Variants in PTPN3 observed in about 807,000 individuals in gnomAD.
PTPN3 encodes protein tyrosine phosphatase non-receptor type 3, also known as tyrosine-protein phosphatase non-receptor type 3.
A neutral mutation model predicts 132.7 loss-of-function variants in PTPN3; 96 were observed. The ratio of observed to expected loss-of-function variants is 0.72; its 90% confidence interval spans 0.61 to 0.86. The LOEUF (loss-of-function observed/expected upper bound fraction) is 0.86. Ranked by LOEUF, PTPN3 falls within the 40% of genes least tolerant of loss-of-function variation. The pLI, the probability that PTPN3 is intolerant of heterozygous loss-of-function variation, is 0.00. For synonymous variants in PTPN3, 398 were observed against 429.0 expected, an observed-to-expected ratio of 0.93 and a Z score of 0.89; for missense variants, 1,125 against 1,159.6, an observed-to-expected ratio of 0.97 and a Z score of 0.43.
chr9:109,500,587 A>C (rs964417512), upstream of PTPN3, among the ~76,000 whole-genome samples: 17 of 151,494 alleles, frequency 1.1e-4, no homozygotes, highest in African/African-American at 3.9e-4. Flanking sequence ...TAAAAAGACC[A>C]TGTTGCAACA....
rs752561274 is a variant in PTPN3 at position 109,457,120 on chromosome 9, G to T, written c.289+53C>A. 36 of 1,566,968 alleles carry T rather than the reference G, an allele frequency of 2.3e-5. 1 individual carries two copies. Among genetic ancestry groups the T allele is most frequent in the Non-Finnish European group, 3.2e-5 (36 of 1,138,400 alleles). On this transcript the variant is annotated intron_variant, in intron 4 of 25. Transcript: ENST00000374541. Reference sequence around the variant, plus strand: ...ACTGACGATTGGAGGGGAGAAACAGGCTGTGATACACTAACACCTAATGTT... The same window carrying T: ...ACTGACGATTGGAGGGGAGAAACAGTCTGTGATACACTAACACCTAATGTT...
At chr9:109,537,470 G>A in the PTPN3 span, among the ~76,000 whole-genome samples, 29 of 152,300 alleles carry the variant, frequency 1.9e-4, no homozygotes, top group African/African-American at 6.7e-4. Context: ...ATGTGAGTGG[G>A]CAGGTCGAGT....
At chr9:109,388,166 C>T (rs1839757295) in intron 22 of PTPN3, among the ~76,000 whole-genome samples, 1 of 152,172 alleles carries the variant, frequency 6.6e-6, no homozygotes. Context: ...AAAGCTGCTG[C>T]CTGGAGTGAT....
At chr9:109,488,236 C>T (rs1481694883) in intron 1 of PTPN3, among the ~76,000 whole-genome samples, 10 of 151,450 alleles carry the variant, frequency 6.6e-5, no homozygotes, top group Admixed American at 4.0e-4. Context: ...GGAGTAGCTG[C>T]GACTACAGGC....
intron 10 of PTPN3, among the ~76,000 whole-genome samples, chr9:109,432,370 T>C (rs967784752): frequency 5.3e-5 from 8 of 152,134 alleles, no homozygotes; most frequent in African/African-American, 1.7e-4. Context: ...TCCCCGTTTG[T>C]CCTTTTCCAT....
In PTPN3 at chr9:109,389,394, G is replaced by C. The variant is rs1374399072; in HGVS notation, c.2107-15C>G. The C allele has an allele frequency of 6.2e-7, 1 of 1,612,064 alleles. No homozygotes were observed. Among genetic ancestry groups the C allele is most frequent in the Middle Eastern group, 1.7e-4 (1 of 6,006 alleles). ...GGAATTTCCATCTGGTAAGAAATTG[G>C]TAAAGTATTAGAATCTGTTGCTGCC... On this transcript the variant is annotated splice_polypyrimidine_tract_variant and intron_variant, in intron 21 of 25. Coordinates refer to ENST00000374541, the MANE Select transcript of PTPN3 (RefSeq NM_002829.4).
intron 2 of PTPN3, among the ~76,000 whole-genome samples, chr9:109,461,207 ACAG>A (rs1224908446): frequency 6.6e-6 from 1 of 152,222 alleles, no homozygotes; most frequent in East Asian, 1.9e-4. Flanking sequence ...AACCTTGCCA[ACAG>A]ACCCCTAAAT....
At chr9:109,452,994 C>T (rs1195031233) in intron 5 of PTPN3, among the ~76,000 whole-genome samples, 1 of 152,204 alleles carries the variant, frequency 6.6e-6, no homozygotes, top group Non-Finnish European at 1.5e-5. Flanking sequence ...GTGTTTCTAT[C>T]CTATCCCCAG....
intron 5 of PTPN3, among the ~76,000 whole-genome samples, chr9:109,452,303 T>C (rs1462976686): frequency 7.4e-6 from 1 of 134,568 alleles, no homozygotes; most frequent in Non-Finnish European, 1.6e-5. Flanking sequence ...TAAAACAGAA[T>C]AGAAAACTTC....
intron 6 of PTPN3, among the ~76,000 whole-genome samples, chr9:109,447,617 C>T (rs967932552): frequency 3.3e-5 from 5 of 152,162 alleles, no homozygotes; most frequent in African/African-American, 1.2e-4. Context: ...CTCAAGGTGT[C>T]TCTTGCTTCT....
intron 1 of PTPN3, among the ~76,000 whole-genome samples, chr9:109,468,345 T>C (rs1435054565): frequency 6.6e-6 from 1 of 152,118 alleles, no homozygotes; most frequent in African/African-American, 2.4e-5. Flanking sequence ...AGCTCTATTG[T>C]GGATACAGTT....
At chr9:109,523,115 TC>T in the PTPN3 span, among the ~76,000 whole-genome samples, 1 of 149,750 alleles carries the variant, frequency 6.7e-6, no homozygotes, top group East Asian at 1.9e-4. Context: ...TAAATTTATA[TC>T]TTTTTTTTTT....
chr9:109,396,713 T>C (rs985433248), intron 19 of PTPN3, among the ~76,000 whole-genome samples: 2 of 152,204 alleles, frequency 1.3e-5, no homozygotes, highest in Admixed American at 6.5e-5. Flanking sequence ...AATTACAGTA[T>C]CAGTATCACC....
At chr9:109,484,052 C>T (rs954927676) in intron 1 of PTPN3, among the ~76,000 whole-genome samples, 2 of 152,210 alleles carry the variant, frequency 1.3e-5, no homozygotes, top group East Asian at 1.9e-4. Flanking sequence ...TTCACTCTGT[C>T]GCGAGCTGCC....
intron 1 of PTPN3, among the ~76,000 whole-genome samples, chr9:109,485,181 T>C (rs935911688): frequency 8.0e-5 from 12 of 150,582 alleles, no homozygotes; most frequent in Admixed American, 3.3e-4. Flanking sequence ...GTGAGCTAGC[T>C]TGGGTGATAG....
chr9:109,466,437 A>T (rs1846105213), intron 1 of PTPN3, among the ~76,000 whole-genome samples: 1 of 152,204 alleles, frequency 6.6e-6, no homozygotes, highest in Non-Finnish European at 1.5e-5. Context: ...CAGGCATTAG[A>T]GCCCAGCCTG....
At chr9:109,414,765 T>A (rs1240336808) in intron 14 of PTPN3, among the ~76,000 whole-genome samples, 4 of 152,218 alleles carry the variant, frequency 2.6e-5, no homozygotes, top group Non-Finnish European at 5.9e-5. Context: ...CCTCGGTCAA[T>A]TCATCCCTGA....
intron 15 of PTPN3, 30 bp downstream of exon 15, chr9:109,410,199 T>C: frequency 1.9e-6 from 3 of 1,611,158 alleles, no homozygotes; most frequent in Non-Finnish European, 2.5e-6. Context: ...CCTGGGTGTG[T>C]GGATCACCCG....
rs117467199 is a variant in PTPN3, at chr9:109,495,123, C to G, written c.-18+3096G>C. 2.0e-3 allele frequency among the ~76,000 whole-genome samples: 299 copies of G among 152,298 alleles called. 1 individual carries two copies. Among genetic ancestry groups the G allele is most frequent in the Non-Finnish European group, 3.7e-3 (251 of 68,012 alleles). ...AGAGCAGTGTGGACACTGACCTGGTCTCCTCCTGTCTCTATTAGAGTTGGA... is the reference window on the plus strand; with the variant it reads ...AGAGCAGTGTGGACACTGACCTGGTGTCCTCCTGTCTCTATTAGAGTTGGA... On this transcript the variant is annotated intron_variant, in intron 1 of 25. Transcript: ENST00000374541.
Sources: gnomAD v4.1 joint callset for allele counts (sites outside exome capture counted in the v4.1 genomes callset) on GRCh38, gnomAD v4.1.1 for gene constraint, MANE v1.5 for transcripts, NCBI Gene and HGNC (gene_info 2026-07-23, HGNC 2026-07-21) for gene names.